The following RANBP2 variants were observed in gnomAD, a reference collection of about 807,000 sequenced individuals.
RANBP2 encodes the protein RAN binding protein 2.
A neutral mutation model predicts 303.6 loss-of-function variants in RANBP2; 57 were observed. That is an observed-to-expected ratio of 0.19 (90% confidence interval 0.15 to 0.23). The LOEUF (loss-of-function observed/expected upper bound fraction) is 0.23, where lower values mean the gene tolerates loss of function less well. RANBP2 is among the 10% of genes least tolerant of loss of function. RANBP2 has a pLI of 1.00. For missense variants in RANBP2, 3,138 were observed against 3,780.8 expected (o/e 0.83, Z 4.46); for synonymous variants, 1,167 against 1,301.5 (o/e 0.90, Z 2.23).
chr2:108,805,090 G>T, the RANBP2 span: 1 of 724,186 alleles, frequency 1.4e-6, no homozygotes, highest in Non-Finnish European at 2.0e-6. Flanking sequence ...GTCAGCCTTA[G>T]AACACGTTTC....
the RANBP2 span, among the ~76,000 whole-genome samples, chr2:109,694,801 ATGTGTG>A: frequency 0.46 from 67,485 of 146,028 alleles, 17,630 homozygotes; most frequent in South Asian, 0.65. Context: ...ATCCATAGGG[ATGTGTG>A]TGTGTGTGTG....
At chr2:108,797,390 A>G in the RANBP2 span, among the ~76,000 whole-genome samples, 1,621 of 152,336 alleles carry the variant, frequency 0.011, 37 homozygotes, top group African/African-American at 0.037. Flanking sequence ...TCAATAAAAT[A>G]AGGACTGAAA....
At chr2:109,489,446 A>G in the RANBP2 span, among the ~76,000 whole-genome samples, 1 of 152,200 alleles carries the variant, frequency 6.6e-6, no homozygotes, top group Non-Finnish European at 1.5e-5. Context: ...GGCCTCACGG[A>G]AAGTCCCATC....
chr2:109,233,272 G>A, the RANBP2 span, among the ~76,000 whole-genome samples: 13 of 152,182 alleles, frequency 8.5e-5, no homozygotes, highest in African/African-American at 3.1e-4. Context: ...GATGGTGAAT[G>A]CAGAGGTTGT....
the RANBP2 span, among the ~76,000 whole-genome samples, chr2:108,850,825 A>T: frequency 2.6e-5 from 4 of 151,852 alleles, no homozygotes; most frequent in African/African-American, 9.7e-5. Context: ...CTCCCACATG[A>T]CAATAATCAT....
the RANBP2 span, among the ~76,000 whole-genome samples, chr2:109,055,121 T>G: frequency 6.6e-6 from 1 of 152,238 alleles, no homozygotes; most frequent in African/African-American, 2.4e-5. Flanking sequence ...TTCTTGATGG[T>G]TTTAACTTGC....
chr2:108,876,232 G>T, the RANBP2 span: 1 of 1,610,892 alleles, frequency 6.2e-7, no homozygotes, highest in Non-Finnish European at 8.5e-7. Flanking sequence ...GTAACTCCCT[G>T]GTCTCCAGTG....
At chr2:109,558,632 C>T in the RANBP2 span, among the ~76,000 whole-genome samples, 122 of 152,130 alleles carry the variant, frequency 8.0e-4, 1 homozygote, top group East Asian at 0.012. Context: ...GACAAGCCTG[C>T]GATTGGTGCT....
the RANBP2 span, among the ~76,000 whole-genome samples, chr2:109,596,445 G>T: frequency 8.6e-5 from 13 of 151,880 alleles, no homozygotes; most frequent in East Asian, 2.5e-3. Flanking sequence ...GTGAAACCCC[G>T]TCTCTACTAA....
chr2:109,046,302 T>TA, the RANBP2 span, among the ~76,000 whole-genome samples: 1,019 of 124,264 alleles, frequency 8.2e-3, 6 homozygotes, highest in East Asian at 0.035. Context: ...AGACTCTGTC[T>TA]AAAAAAAAAA....
At chr2:109,016,564 C>T in the RANBP2 span, among the ~76,000 whole-genome samples, 4 of 152,266 alleles carry the variant, frequency 2.6e-5, no homozygotes, top group East Asian at 5.8e-4. Context: ...CTAGGCGTCC[C>T]GAGGTTAGCA....
the RANBP2 span, among the ~76,000 whole-genome samples, chr2:108,871,370 T>TAAAAAAAAAA: frequency 1.3e-5 from 1 of 76,670 alleles, no homozygotes; most frequent in African/African-American, 4.9e-5. Flanking sequence ...CCAACTCTAT[T>TAAAAAAAAAA]AAAAAAAAAA....
the RANBP2 span, among the ~76,000 whole-genome samples, chr2:108,809,827 A>G: frequency 6.6e-6 from 1 of 151,296 alleles, no homozygotes; most frequent in Non-Finnish European, 1.5e-5. Flanking sequence ...TTTGTTTGTG[A>G]TGGAGTCTCA....
chr2:109,135,737 G>A, the RANBP2 span, among the ~76,000 whole-genome samples: 1 of 152,156 alleles, frequency 6.6e-6, no homozygotes, highest in Non-Finnish European at 1.5e-5. Flanking sequence ...CCATGTTGTG[G>A]AAACTGGATC....
chr2:108,835,820 A>G, the RANBP2 span, among the ~76,000 whole-genome samples: 2 of 152,196 alleles, frequency 1.3e-5, no homozygotes, highest in Non-Finnish European at 2.9e-5. Flanking sequence ...AGACTGCACA[A>G]TCTGTAAACA....
chr2:109,197,911 G>T, the RANBP2 span, among the ~76,000 whole-genome samples: 3 of 152,254 alleles, frequency 2.0e-5, no homozygotes, highest in Non-Finnish European at 4.4e-5. Context: ...ATCCCACAGA[G>T]TATGTAGCTG....
the RANBP2 span, among the ~76,000 whole-genome samples, chr2:108,861,472 CTTTTTTTTTTT>C: frequency 1.6e-5 from 2 of 123,552 alleles, no homozygotes; most frequent in African/African-American, 7.7e-5. Context: ...AACTTTCTTC[CTTTTTTTTTTT>C]TTTTTTTTTT....
the RANBP2 span, among the ~76,000 whole-genome samples, chr2:109,093,596 G>C: frequency 6.7e-6 from 1 of 149,960 alleles, no homozygotes; most frequent in Admixed American, 6.7e-5. Flanking sequence ...GTCCTGGCTA[G>C]AGTCTGGTAA....
At chr2:109,457,918 A>AT in the RANBP2 span, among the ~76,000 whole-genome samples, 1 of 152,208 alleles carries the variant, frequency 6.6e-6, no homozygotes, top group Non-Finnish European at 1.5e-5. Flanking sequence ...ATCTCTGAAC[A>AT]TTCCACAGCA....
Sources: gnomAD v4.1 joint callset for allele counts (sites outside exome capture counted in the v4.1 genomes callset) on GRCh38, gnomAD v4.1.1 for gene constraint, MANE v1.5 for transcripts, NCBI Gene and HGNC (gene_info 2026-07-23, HGNC 2026-07-21) for gene names.